Variants in MCTP2 observed in about 807,000 individuals in gnomAD.
MCTP2 encodes multiple C2 and transmembrane domain containing 2.
In MCTP2, 132 loss-of-function variants were observed where a neutral mutation model predicts 111.6. That is an observed-to-expected ratio of 1.18 (90% confidence interval 1.03 to 1.37). MCTP2 has a LOEUF of 1.37. MCTP2 is among the 40% of genes most tolerant of loss of function. The probability of loss-of-function intolerance (pLI) is 0.00; values close to 1 mark genes in which losing one functional copy is unlikely to be tolerated. For synonymous variants in MCTP2, 395 were observed against 387.7 expected (o/e 1.02, Z -0.22); for missense variants, 1,183 against 1,067.9 (o/e 1.11, Z -1.50).
In MCTP2 at chr15:94,315,561, C is replaced by A. The variant is rs762648518; in HGVS notation, c.561C>A (p.Asn187Lys). Residue 187 changes from asparagine (N) to lysine (K), a missense_variant, in exon 4 of 23, where the codon AAC (asparagine) becomes AAA (lysine). Physicochemically the swap from Asn to Lys is moderately conservative, Grantham distance 94. Transcript: ENST00000357742. ...GGGAAGCCAGTGATGGCTTGAGTAA[C>A]CTCCCCAGCCCTTTTGCGTACCTCC... ...VPGEASDGLS[N>K]LPSPFAYLLT... is the part of the protein sequence containing the mutation. 4 of 1,613,966 alleles carry A rather than the reference C, an allele frequency of 2.5e-6. No individual in the cohort carries two copies. The African/African-American group carries it at 5.3e-5, about 22-fold the overall frequency.
intron 9 of MCTP2, among the ~76,000 whole-genome samples, chr15:94,356,857 T>C (rs993242788): frequency 2.2e-4 from 34 of 152,218 alleles, no homozygotes; most frequent in African/African-American, 8.0e-4. Context: ...ATTCATCTTA[T>C]TCTGCTGATC....
At chr15:94,424,318 GT>G (rs138054926) in intron 17 of MCTP2, among the ~76,000 whole-genome samples, 30 of 147,928 alleles carry the variant, frequency 2.0e-4, no homozygotes, top group African/African-American at 3.7e-4. Flanking sequence ...TGTTTTTTGG[GT>G]TTTTTTTTTC....
At chr15:94,341,213 AG>A (rs1338610352) in intron 7 of MCTP2, 1 of 343,574 alleles carries the variant, frequency 2.9e-6, no homozygotes, top group African/African-American at 2.1e-5. Context: ...TTAGCTACCA[AG>A]TTTTCCATTG....
intron 8 of MCTP2, among the ~76,000 whole-genome samples, chr15:94,355,629 C>A (rs972684363): frequency 2.6e-5 from 4 of 152,026 alleles, no homozygotes; most frequent in African/African-American, 9.7e-5. Context: ...TCTATTTGGA[C>A]TAGTGAATCT....
rs185148018 is a variant in MCTP2 at position 94,283,719 on chromosome 15, C to G, written c.-65-14482C>G. On this transcript the variant is annotated intron_variant, in intron 1 of 22. Coordinates refer to ENST00000357742, the MANE Select transcript of MCTP2 (RefSeq NM_001385001.1). The stretch of plus-strand genomic sequence containing the variant: ...TTTCTGAAGATCTGTTCAGAATATG[C>G]CAGTCTAATTGATAGTCTTGTCTCT... Among the ~76,000 whole-genome samples, 4 of 152,242 alleles carry G rather than the reference C, an allele frequency of 2.6e-5. No homozygotes were observed. In the East Asian group the frequency reaches 7.7e-4, roughly 29 times the overall value.
intron 22 of MCTP2, 22 bp from the exon 23 acceptor site, chr15:94,478,944 T>C: frequency 6.2e-7 from 1 of 1,612,956 alleles, no homozygotes. Flanking sequence ...ACCGCCAGCA[T>C]CACGGCTATT....
chr15:94,274,226 GA>G (rs2074064809), intron 1 of MCTP2, among the ~76,000 whole-genome samples: 1 of 152,168 alleles, frequency 6.6e-6, no homozygotes, highest in Non-Finnish European at 1.5e-5. Flanking sequence ...GAATGGTAAT[GA>G]AAATGTGACA....
intron 1 of MCTP2, among the ~76,000 whole-genome samples, chr15:94,245,768 T>C (rs531993565): frequency 2.9e-4 from 43 of 150,624 alleles, no homozygotes; most frequent in Non-Finnish European, 4.9e-4. Context: ...TTGAAGGCTT[T>C]GGAAGGTGAA....
intron 4 of MCTP2, among the ~76,000 whole-genome samples, chr15:94,316,004 G>A (rs1395807676): frequency 6.6e-6 from 1 of 152,170 alleles, no homozygotes; most frequent in Non-Finnish European, 1.5e-5. Flanking sequence ...GTCATCAGAT[G>A]TACACATTGA....
At chr15:94,473,249 C>T (rs1332639874) in intron 21 of MCTP2, among the ~76,000 whole-genome samples, 2 of 152,052 alleles carry the variant, frequency 1.3e-5, no homozygotes, top group African/African-American at 4.8e-5. Context: ...TGCTTTATTT[C>T]CTCTTTAGCC....
intron 19 of MCTP2, among the ~76,000 whole-genome samples, chr15:94,456,399 G>T (rs1260883873): frequency 6.6e-6 from 1 of 152,206 alleles, no homozygotes; most frequent in African/African-American, 2.4e-5. Context: ...CATTTTCCAA[G>T]AAATTGTTTT....
intron 17 of MCTP2, among the ~76,000 whole-genome samples, chr15:94,433,985 C>T (rs2083325062): frequency 2.0e-5 from 3 of 152,258 alleles, no homozygotes; most frequent in South Asian, 4.1e-4. Context: ...CTTCTGGAAA[C>T]AAGATCCCTT....
intron 14 of MCTP2, among the ~76,000 whole-genome samples, chr15:94,387,859 C>T (rs550892232): frequency 2.0e-5 from 3 of 152,226 alleles, no homozygotes; most frequent in South Asian, 4.1e-4. Flanking sequence ...TGAGTGGGAA[C>T]GTAAGGAGGT....
At chr15:94,377,436 A>C (rs1238353454) in intron 12 of MCTP2, among the ~76,000 whole-genome samples, 1 of 152,176 alleles carries the variant, frequency 6.6e-6, no homozygotes, top group Non-Finnish European at 1.5e-5. Context: ...CCTTCCAGAG[A>C]ACATGGACTG....
At chr15:94,462,579 G>T (rs1420954335) in intron 20 of MCTP2, among the ~76,000 whole-genome samples, 1 of 152,180 alleles carries the variant, frequency 6.6e-6, no homozygotes, top group Non-Finnish European at 1.5e-5. Context: ...TAGTGTCTTT[G>T]AATTAAATCC....
intron 2 of MCTP2, among the ~76,000 whole-genome samples, chr15:94,301,898 T>G (rs1320342196): frequency 6.6e-6 from 1 of 151,976 alleles, no homozygotes; most frequent in East Asian, 1.9e-4. Context: ...AGTTTGGGAA[T>G]TGGTTCCTCT....
At chr15:94,460,993 C>G (rs1015127518) in intron 20 of MCTP2, among the ~76,000 whole-genome samples, 1 of 151,204 alleles carries the variant, frequency 6.6e-6, no homozygotes, top group Non-Finnish European at 1.5e-5. Context: ...ACATAAAACT[C>G]TCAAAGTAAG....
At chr15:94,467,159 G>C (rs1271254693) in intron 20 of MCTP2, among the ~76,000 whole-genome samples, 1 of 152,278 alleles carries the variant, frequency 6.6e-6, no homozygotes. Flanking sequence ...GAAAATGAAA[G>C]CACAGAGTGG....
intron 4 of MCTP2, among the ~76,000 whole-genome samples, chr15:94,329,893 G>A (rs2077055421): frequency 6.6e-6 from 1 of 152,072 alleles, no homozygotes; most frequent in African/African-American, 2.4e-5. Flanking sequence ...TCATCGTATG[G>A]TAGGTCTCCA....
Sources: gnomAD v4.1 joint callset for allele counts (sites outside exome capture counted in the v4.1 genomes callset) on GRCh38, gnomAD v4.1.1 for gene constraint, MANE v1.5 for transcripts, NCBI Gene and HGNC (gene_info 2026-07-23, HGNC 2026-07-21) for gene names.